The following DOCK4 variants were observed in gnomAD, a reference collection of about 807,000 sequenced individuals.
DOCK4 encodes the protein dedicator of cytokinesis 4, also known as dedicator of cytokinesis protein 4.
A neutral mutation model predicts 268.1 loss-of-function variants in DOCK4; 97 were observed. The ratio of observed to expected loss-of-function variants is 0.36; its 90% CI spans 0.31 to 0.43. The LOEUF (loss-of-function observed/expected upper bound fraction) is 0.43, where lower values mean the gene tolerates loss of function less well. DOCK4 is among the 20% of genes least tolerant of loss of function. DOCK4 has a pLI of 1.00. For missense variants in DOCK4, 2,145 were observed against 2,455.7 expected (o/e 0.87, Z 2.67); for synonymous variants, 954 against 887.2 (o/e 1.08, Z -1.34).
At chr7:111,814,983 C>A (rs1356257721) in intron 27 of DOCK4, among the ~76,000 whole-genome samples, 1 of 152,102 alleles carries the variant, frequency 6.6e-6, no homozygotes, top group East Asian at 1.9e-4. Context: ...AATATTTATG[C>A]AATTTTAAAA....
At chr7:112,029,745 A>G (rs1015637582) in intron 1 of DOCK4, among the ~76,000 whole-genome samples, 2 of 152,236 alleles carry the variant, frequency 1.3e-5, no homozygotes, top group African/African-American at 4.8e-5. Flanking sequence ...GCATGTGTCC[A>G]CAGAAGGAGA....
intron 11 of DOCK4, among the ~76,000 whole-genome samples, chr7:111,937,108 AAAACAAAC>A (rs149708258): frequency 9.4e-4 from 143 of 152,042 alleles, no homozygotes; most frequent in African/African-American, 3.4e-3. Flanking sequence ...CTCAAAACTC[AAAACAAAC>A]AAACAAACAA....
chr7:111,774,280 C>T (rs774058295), intron 36 of DOCK4, among the ~76,000 whole-genome samples: 6 of 152,068 alleles, frequency 3.9e-5, no homozygotes, highest in East Asian at 1.9e-4. Context: ...GCCTGGCCAA[C>T]GTGGTGAAAC....
chr7:111,916,913 G>A (rs1792634713), intron 12 of DOCK4, among the ~76,000 whole-genome samples: 1 of 150,518 alleles, frequency 6.6e-6, no homozygotes, highest in South Asian at 2.1e-4. Context: ...CCCATCACCT[G>A]AGTAGTAAAC....
chr7:111,904,786 A>C (rs1791423902), intron 13 of DOCK4, among the ~76,000 whole-genome samples: 1 of 152,152 alleles, frequency 6.6e-6, no homozygotes, highest in Non-Finnish European at 1.5e-5. Flanking sequence ...TAACATGAGA[A>C]TAGGGTAAAG....
chr7:111,901,939 T>C (rs1791185524), intron 13 of DOCK4, 138 bp from the exon 14 acceptor site: 3 of 651,200 alleles, frequency 4.6e-6, no homozygotes, highest in Middle Eastern at 4.0e-4. Flanking sequence ...TGCATTTTTA[T>C]AAAAGTGTCC....
chr7:111,875,535 C>T (rs373249375), intron 17 of DOCK4, among the ~76,000 whole-genome samples: 11 of 152,308 alleles, frequency 7.2e-5, no homozygotes, highest in African/African-American at 2.6e-4. Flanking sequence ...GAAGACTGTA[C>T]AGATCTGATT....
intron 28 of DOCK4, 25 bp from the exon 29 acceptor site, chr7:111,809,426 A>G: frequency 6.6e-7 from 1 of 1,521,570 alleles, no homozygotes; most frequent in Non-Finnish European, 8.9e-7. Context: ...AGATATATCA[A>G]TACTATGGTG....
intron 1 of DOCK4, among the ~76,000 whole-genome samples, chr7:112,141,050 G>A (rs1015916784): frequency 1.3e-5 from 2 of 151,964 alleles, no homozygotes; most frequent in Non-Finnish European, 1.5e-5. Context: ...GACACACCCG[G>A]AACTACCAAA....
intron 1 of DOCK4, among the ~76,000 whole-genome samples, chr7:112,032,165 A>C (rs548058687): frequency 1.3e-5 from 2 of 152,222 alleles, no homozygotes; most frequent in African/African-American, 4.8e-5. Flanking sequence ...CAATGTGTAC[A>C]TCATCTTGGA....
intron 30 of DOCK4, among the ~76,000 whole-genome samples, chr7:111,794,729 C>T (rs2133825212): frequency 6.6e-6 from 1 of 152,266 alleles, no homozygotes; most frequent in Non-Finnish European, 1.5e-5. Flanking sequence ...TATCAACCTC[C>T]CACTTACAGA....
At chr7:112,052,193 C>G (rs990169352) in intron 1 of DOCK4, among the ~76,000 whole-genome samples, 1 of 152,090 alleles carries the variant, frequency 6.6e-6, no homozygotes, top group Admixed American at 6.6e-5. Flanking sequence ...ATGTTCAGTA[C>G]TGATGCAATT....
At chr7:112,045,448 C>T (rs1804748448) in intron 1 of DOCK4, among the ~76,000 whole-genome samples, 1 of 152,110 alleles carries the variant, frequency 6.6e-6, no homozygotes, top group South Asian at 2.1e-4. Flanking sequence ...CTCTATGAGA[C>T]TAGGGAATTA....
chr7:112,174,818 C>T (rs1818359472), intron 1 of DOCK4, among the ~76,000 whole-genome samples: 1 of 151,892 alleles, frequency 6.6e-6, no homozygotes, highest in South Asian at 2.1e-4. Flanking sequence ...CTCATTTTCA[C>T]TAGATGATGT....
At chr7:112,181,808 T>G (rs1159452965) in intron 1 of DOCK4, among the ~76,000 whole-genome samples, 1 of 152,136 alleles carries the variant, frequency 6.6e-6, no homozygotes, top group Non-Finnish European at 1.5e-5. Flanking sequence ...CACTTGCATC[T>G]CACAGAATAA....
intron 23 of DOCK4, among the ~76,000 whole-genome samples, chr7:111,858,440 T>C (rs1805199277): frequency 6.6e-6 from 1 of 152,166 alleles, no homozygotes; most frequent in African/African-American, 2.4e-5. Context: ...AACCCTGGAA[T>C]TGCTAGACAG....
chr7:111,944,972 G>C, intron 9 of DOCK4, 101 bp from the exon 10 acceptor site: 7 of 899,248 alleles, frequency 7.8e-6, no homozygotes, highest in Non-Finnish European at 1.1e-5. Context: ...GATGGACACA[G>C]ACATTCTTAA....
At position 111,726,818 on chromosome 7, in the gene DOCK4, T is replaced by C. The variant is rs1011537691; in HGVS notation, c.*1456A>G. 3 of 152,630 alleles carry C rather than the reference T, an allele frequency of 2.0e-5. No individual in the cohort carries two copies. Among genetic ancestry groups the C allele is most frequent in the South Asian group, 2.1e-4 (1 of 4,832 alleles). The allele number at this position is 152,630 out of a possible 1,614,324, so 9.5% of individuals were successfully genotyped here. On this transcript the variant is annotated 3_prime_UTR_variant, in exon 53 of 53. Transcript: ENST00000428084. Reference sequence around the variant, plus strand: ...ATCTCTTATTAAAATTAACCAGTTATATACAAAAATACTTGAACATTTATT... The same window carrying C: ...ATCTCTTATTAAAATTAACCAGTTACATACAAAAATACTTGAACATTTATT...
At chr7:111,771,472 G>T (rs1389451423) in intron 36 of DOCK4, among the ~76,000 whole-genome samples, 1 of 152,162 alleles carries the variant, frequency 6.6e-6, no homozygotes, top group Non-Finnish European at 1.5e-5. Context: ...GAGATGGACA[G>T]AGAAAGCAGC....
Sources: gnomAD v4.1 joint callset for allele counts (sites outside exome capture counted in the v4.1 genomes callset) on GRCh38, gnomAD v4.1.1 for gene constraint, MANE v1.5 for transcripts, NCBI Gene and HGNC (gene_info 2026-07-23, HGNC 2026-07-21) for gene names.